Variants in SLC12A1 observed in about 807,000 individuals in gnomAD.
SLC12A1 encodes the protein Na-K-2Cl cotransporter.
In SLC12A1, 89 loss-of-function variants were observed where a neutral mutation model predicts 130.4. The ratio of observed to expected loss-of-function variants is 0.68; its 90% CI spans 0.58 to 0.81. The LOEUF (loss-of-function observed/expected upper bound fraction) is 0.81. Among genes scored for constraint, SLC12A1 ranks in the 40% least tolerant of loss-of-function variants. The probability of loss-of-function intolerance (pLI) is 0.00; values close to 1 mark genes in which losing one functional copy is unlikely to be tolerated. For missense variants in SLC12A1, 1,310 were observed against 1,336.4 expected, an observed-to-expected ratio of 0.98 and a Z score of 0.31; for synonymous variants, 499 against 460.0, an observed-to-expected ratio of 1.08 and a Z score of -1.09.
intron 8 of SLC12A1, among the ~76,000 whole-genome samples, 162 bp from the exon 9 acceptor site, chr15:48,234,715 T>C (rs1209932636): frequency 6.6e-6 from 1 of 151,670 alleles, no homozygotes; most frequent in Non-Finnish European, 1.5e-5. Flanking sequence ...ATCGTGCCAT[T>C]GCACTCCAGC....
intron 20 of SLC12A1, among the ~76,000 whole-genome samples, chr15:48,279,420 C>T (rs1421209072): frequency 1.3e-5 from 2 of 152,086 alleles, no homozygotes; most frequent in Non-Finnish European, 2.9e-5. Context: ...GTTAATAAAG[C>T]AGTGAATAGA....
intron 11 of SLC12A1, among the ~76,000 whole-genome samples, chr15:48,246,236 T>C (rs2041578451): frequency 6.6e-6 from 1 of 152,164 alleles, no homozygotes; most frequent in African/African-American, 2.4e-5. Context: ...GAAAGGTTAA[T>C]GGCTGTAAAA....
chr15:48,260,207 G>A (rs944117813), intron 17 of SLC12A1, among the ~76,000 whole-genome samples: 3 of 151,798 alleles, frequency 2.0e-5, no homozygotes, highest in African/African-American at 4.8e-5. Flanking sequence ...GGAGGTTATG[G>A]TGAGTCAAGA....
chr15:48,244,832 A>G lies in SLC12A1; in HGVS notation c.1380A>G (p.Ala460=). ...ISGMNCNGSA[A]CGLGYDFSRC... ...GGATGAACTGCAATGGTTCAGCAGC[A>G]TGTGGGTTGGGCTATGACTTCTCAA... is the stretch of plus-strand genomic sequence containing the variant. The change falls in exon 11 of 27, where the codon GCA becomes GCG. Residue 460 remains alanine, a synonymous_variant. Coordinates refer to ENST00000380993, the MANE Select transcript of SLC12A1 (RefSeq NM_000338.3). The G allele has an allele frequency of 1.2e-6, 2 of 1,614,002 alleles. No homozygotes were observed. Among genetic ancestry groups the G allele is most frequent in the South Asian group, 2.2e-5 (2 of 91,084 alleles).
chr15:48,207,897 A>T lies in SLC12A1; in HGVS notation c.178A>T (p.Ile60Phe), dbSNP rs757961565. The T allele has an allele frequency of 6.2e-7, 1 of 1,614,002 alleles. No homozygotes were observed. The highest frequency in any genetic ancestry group is 1.1e-5 in the South Asian group (1 of 91,082). ...GGATGAAGCTCAGAAAAGACTCAGA[A>T]TCAGCTTTAGGCCTGGGAATCAGGA... Reference protein sequence around the residue: ...FGDEAQKRLRISFRPGNQECY... With the variant: ...FGDEAQKRLRFSFRPGNQECY... The change falls in exon 2 of 27, where the codon ATC (isoleucine) becomes TTC (phenylalanine). Residue 60 changes from isoleucine to phenylalanine, a missense_variant. Ile to Phe is a conservative substitution (Grantham distance 21). Coordinates refer to ENST00000380993, the MANE Select transcript of SLC12A1 (RefSeq NM_000338.3).
At chr15:48,211,743 T>C (rs1376793129) in intron 2 of SLC12A1, among the ~76,000 whole-genome samples, 1 of 152,036 alleles carries the variant, frequency 6.6e-6, no homozygotes, top group East Asian at 1.9e-4. Flanking sequence ...AATTTCCAAG[T>C]GAGAAAAAAG....
At chr15:48,232,365 T>C (rs1452330898) in intron 7 of SLC12A1, among the ~76,000 whole-genome samples, 2 of 152,226 alleles carry the variant, frequency 1.3e-5, no homozygotes, top group East Asian at 3.9e-4. Flanking sequence ...CCATAAGTGC[T>C]CTGCTGAAAA....
chr15:48,275,063 A>G (rs553685842), intron 20 of SLC12A1, among the ~76,000 whole-genome samples: 2 of 152,324 alleles, frequency 1.3e-5, no homozygotes, highest in East Asian at 3.9e-4. Context: ...CTAACATGGA[A>G]ATGAGCCTGA....
At position 48,239,515 on chromosome 15, in the gene SLC12A1, A is replaced by AAAATAAATAAATAAATAAATAAAT. The variant is rs10530478; in HGVS notation, c.1216-1989_1216-1966dup. 2.3e-3 allele frequency among the ~76,000 whole-genome samples: 334 copies of AAAATAAATAAATAAATAAATAAAT among 143,706 alleles called. 1 individual carries two copies. Among genetic ancestry groups the AAAATAAATAAATAAATAAATAAAT allele is most frequent in the African/African-American group, 8.4e-3 (322 of 38,170 alleles). The allele number at this position is 143,706 out of a possible 152,430, so 94.3% of individuals were successfully genotyped here. A position where few individuals can be genotyped will look rare whatever the true frequency, so the allele number is the denominator to read the frequency against. ...GGGCAACAGAACAAGAACCCATCTC[A>AAAATAAATAAATAAATAAATAAAT]AAATAAATAAATAAATAAATAAATA... On this transcript the variant is annotated intron_variant, in intron 9 of 26. Coordinates refer to ENST00000380993, the MANE Select transcript of SLC12A1 (RefSeq NM_000338.3).
rs771024777 is a variant in SLC12A1 at position 48,229,156 on chromosome 15, C to T, written c.725-33C>T. On this transcript the variant is annotated intron_variant, in intron 5 of 26. Coordinates refer to ENST00000380993, the MANE Select transcript of SLC12A1 (RefSeq NM_000338.3). ...GTTTGGTTATATAAACTAGCAGTTC[C>T]TCAATGTGAAGTATGTTCATTTCTT... 7 of 1,565,394 alleles carry T rather than the reference C, an allele frequency of 4.5e-6. No individual in the cohort carries two copies. In the East Asian group the frequency reaches 1.6e-4, roughly 36 times the overall value.
rs138626548 is a variant in SLC12A1 at position 48,291,039 on chromosome 15, C to T, written c.2874-739C>T. ...TAGGGGTAAAGGTGCCTAATATCTG[C>T]AACTGACTTTAAAAGATTAGAGTAG... On this transcript the variant is annotated intron_variant, in intron 23 of 26. Coordinates refer to ENST00000380993, the MANE Select transcript of SLC12A1 (RefSeq NM_000338.3). Among the ~76,000 whole-genome samples, 740 of 151,634 alleles carry T rather than the reference C, an allele frequency of 4.9e-3. 8 individuals are homozygous for T. The highest frequency in any genetic ancestry group is 0.044 in the Middle Eastern group (13 of 294).
chr15:48,207,763 C>T lies in SLC12A1; in HGVS notation c.44C>T (p.Pro15Leu), dbSNP rs1191556534. 1 of 1,604,720 alleles carries T rather than the reference C, an allele frequency of 6.2e-7. No homozygotes were observed. Among genetic ancestry groups the T allele is most frequent in the Non-Finnish European group, 8.5e-7 (1 of 1,175,290 alleles). ...NSSNVFLDSVPSNTNRFQVSV... is the reference protein window; with the variant it reads ...NSSNVFLDSVLSNTNRFQVSV... ...TCCAATGTATTTCTGGATTCAGTGC[C>T]CAGTAATACCAATCGCTTTCAAGTT... The change falls in exon 2 of 27, where the codon CCC becomes CTC. Residue 15 changes from proline to leucine, a missense_variant. Transcript: ENST00000380993.
intron 2 of SLC12A1, among the ~76,000 whole-genome samples, chr15:48,209,092 G>A (rs949274150): frequency 2.6e-5 from 4 of 152,118 alleles, no homozygotes; most frequent in African/African-American, 7.2e-5. Context: ...ACGAAGTATC[G>A]CTCTTGTTGC....
intron 20 of SLC12A1, among the ~76,000 whole-genome samples, chr15:48,284,291 G>A (rs181570250): frequency 1.3e-5 from 2 of 152,292 alleles, no homozygotes; most frequent in East Asian, 3.9e-4. Flanking sequence ...AGAGTTTATT[G>A]TAAGATTTTG....
chr15:48,263,239 G>A (rs1354468262), intron 17 of SLC12A1, among the ~76,000 whole-genome samples: 1 of 152,086 alleles, frequency 6.6e-6, no homozygotes, highest in Non-Finnish European at 1.5e-5. Context: ...TGAATTGAAA[G>A]TCGATTCCAT....
intron 19 of SLC12A1, among the ~76,000 whole-genome samples, chr15:48,274,292 A>G (rs2041927776): frequency 6.6e-6 from 1 of 152,194 alleles, no homozygotes; most frequent in Non-Finnish European, 1.5e-5. Flanking sequence ...ATTATTTTTA[A>G]AAGATGCAAC....
intron 24 of SLC12A1, among the ~76,000 whole-genome samples, chr15:48,298,089 AC>A (rs1348507262): frequency 3.3e-5 from 5 of 152,228 alleles, no homozygotes; most frequent in Non-Finnish European, 7.3e-5. Context: ...TAATCTCTGC[AC>A]TTTTATCTGC....
intron 17 of SLC12A1, among the ~76,000 whole-genome samples, chr15:48,263,038 G>T (rs890516782): frequency 1.3e-5 from 2 of 152,160 alleles, no homozygotes; most frequent in African/African-American, 4.8e-5. Context: ...TTATGTACCT[G>T]TAATTCTCTG....
intron 20 of SLC12A1, among the ~76,000 whole-genome samples, chr15:48,281,050 G>T (rs1289188380): frequency 1.4e-4 from 22 of 152,196 alleles, no homozygotes; most frequent in Admixed American, 1.4e-3. Flanking sequence ...GTGGCAGCAT[G>T]AAGAACATGG....
Sources: allele counts gnomAD v4.1 joint callset (sites outside exome capture counted in the v4.1 genomes callset), GRCh38; gene constraint gnomAD v4.1.1; transcripts MANE v1.5; gene names NCBI Gene and HGNC (gene_info 2026-07-23, HGNC 2026-07-21).